The following FAM118B variants were observed in gnomAD, a reference collection of about 807,000 sequenced individuals.
FAM118B encodes protein FAM118B.
Under a neutral mutation model 38.5 loss-of-function variants are expected in FAM118B, and 24 were observed. The observed-to-expected ratio is 0.62, with a 90% CI of 0.45 to 0.88. The LOEUF (loss-of-function observed/expected upper bound fraction) is 0.88. FAM118B is among the 40% of genes least tolerant of loss of function. The pLI is 0.00. For synonymous variants in FAM118B, 138 were observed against 156.3 expected (o/e 0.88, Z 0.87); for missense variants, 334 against 420.0 (o/e 0.80, Z 1.79).
intron 1 of FAM118B, among the ~76,000 whole-genome samples, chr11:126,216,457 T>C (rs1274512987): frequency 6.6e-6 from 1 of 152,170 alleles, no homozygotes. Flanking sequence ...AACCACTCAG[T>C]TGTTTTCCTC....
intron 7 of FAM118B, among the ~76,000 whole-genome samples, chr11:126,259,704 C>G (rs1950645764): frequency 6.6e-6 from 1 of 151,398 alleles, no homozygotes; most frequent in South Asian, 2.1e-4. Flanking sequence ...GGATTACAGG[C>G]GTGAGCCACC....
chr11:126,260,647 G>A (rs900884389), intron 7 of FAM118B: 1 of 152,080 alleles, frequency 6.6e-6, no homozygotes, highest in Non-Finnish European at 1.5e-5. Flanking sequence ...CTGTAATCAG[G>A]TCAAAGATCA....
chr11:126,245,253 G>C (rs999197454), intron 4 of FAM118B: 3 of 152,092 alleles, frequency 2.0e-5, no homozygotes, highest in African/African-American at 4.8e-5. Context: ...CTGCACTCTA[G>C]CCTGGGCAAC....
chr11:126,211,996 C>G (rs1045540423), intron 1 of FAM118B, among the ~76,000 whole-genome samples, 166 bp downstream of exon 1: 3 of 152,218 alleles, frequency 2.0e-5, no homozygotes, highest in African/African-American at 4.8e-5. Context: ...CCCCCGCGCC[C>G]CCTTAGGAGC....
At chr11:126,237,905 G>T (rs1591514661) in intron 3 of FAM118B, among the ~76,000 whole-genome samples, 1 of 149,226 alleles carries the variant, frequency 6.7e-6, no homozygotes. Context: ...GGATATCATT[G>T]TTTTCTTTTA....
chr11:126,223,125 G>A (rs943516618), intron 1 of FAM118B, among the ~76,000 whole-genome samples: 1 of 151,994 alleles, frequency 6.6e-6, no homozygotes, highest in African/African-American at 2.4e-5. Context: ...TCAAGCAACT[G>A]AAAGAGGCCT....
intron 3 of FAM118B, among the ~76,000 whole-genome samples, chr11:126,237,215 CTT>C (rs34631802): frequency 1.4e-4 from 6 of 43,112 alleles, no homozygotes; most frequent in African/African-American, 4.2e-4. Flanking sequence ...CGCGCCTGGC[CTT>C]TTTTTTTTTT....
intron 3 of FAM118B, among the ~76,000 whole-genome samples, chr11:126,235,296 C>T (rs1395305568): frequency 2.0e-5 from 3 of 152,094 alleles, no homozygotes; most frequent in Non-Finnish European, 4.4e-5. Context: ...TTTCAAAGTC[C>T]GCCCTTCCTC....
chr11:126,261,390 C>T, intron 7 of FAM118B, 35 bp from the exon 8 acceptor site: 3 of 1,592,908 alleles, frequency 1.9e-6, no homozygotes, highest in South Asian at 1.1e-5. Context: ...TTTAGCTTTT[C>T]AGTCTAATGT....
In FAM118B at chr11:126,254,295, T is replaced by C. The variant is rs1950544497; in HGVS notation, c.568-10T>C. On this transcript the variant is annotated splice_polypyrimidine_tract_variant and intron_variant, in intron 5 of 8. Transcript: ENST00000533050. ...TGCCAAGCTGGTTGGGCTATATGTG[T>C]GTTGTGCAGGTCCTCGAGTGGGCTC... 6.2e-7 allele frequency: 1 copy of C among 1,613,170 alleles called. No homozygotes were observed. Among genetic ancestry groups the C allele is most frequent in the African/African-American group, 1.3e-5 (1 of 74,924 alleles).
chr11:126,246,785 G>T (rs1950424585), intron 4 of FAM118B, among the ~76,000 whole-genome samples: 1 of 152,072 alleles, frequency 6.6e-6, no homozygotes, highest in Non-Finnish European at 1.5e-5. Context: ...AGGAAATGAA[G>T]GTCACTGTTT....
intron 4 of FAM118B, among the ~76,000 whole-genome samples, chr11:126,243,514 A>T (rs927727781): frequency 1.3e-5 from 2 of 152,070 alleles, no homozygotes; most frequent in African/African-American, 4.8e-5. Flanking sequence ...TCTCTTAGGA[A>T]CATGGACACA....
rs1205287098 is a variant in FAM118B, at chr11:126,255,849, A to C, written c.697-718A>C. Among the ~76,000 whole-genome samples the C allele has an allele frequency of 6.6e-6, 1 of 152,034 alleles. No individual in the cohort carries two copies. Among genetic ancestry groups the C allele is most frequent in the Non-Finnish European group, 1.5e-5 (1 of 68,028 alleles). ...GTGCCTGTAATGCCAGCTACTTGGG[A>C]GTCTGAGGCAGGAGAATCGCTTGAA... On this transcript the variant is annotated intron_variant, in intron 6 of 8. Transcript: ENST00000533050. The surrounding 1 kb of genome is among the most constrained non-coding windows in gnomAD (Gnocchi z 4.6).
At chr11:126,242,606 C>T (rs1466374862) in intron 4 of FAM118B, among the ~76,000 whole-genome samples, 11 of 152,202 alleles carry the variant, frequency 7.2e-5, no homozygotes, top group Admixed American at 5.9e-4. Flanking sequence ...AGAAGATACA[C>T]AAACGGCCAA....
At chr11:126,254,773 C>CCTTA (rs1950550950) in intron 6 of FAM118B, among the ~76,000 whole-genome samples, 1 of 152,172 alleles carries the variant, frequency 6.6e-6, no homozygotes, top group Non-Finnish European at 1.5e-5. Context: ...CTGTAGTGAG[C>CCTTA]TGTGTCTAGA....
chr11:126,230,382 A>G (rs140976563), intron 2 of FAM118B, among the ~76,000 whole-genome samples: 74 of 152,368 alleles, frequency 4.9e-4, no homozygotes, highest in African/African-American at 1.8e-3. Context: ...AATTAGTCCA[A>G]GAGCCACAGT....
chr11:126,231,944 G>A (rs571427760), intron 2 of FAM118B, among the ~76,000 whole-genome samples: 17 of 152,280 alleles, frequency 1.1e-4, no homozygotes, highest in Admixed American at 1.3e-4. Context: ...TTGCATCAAT[G>A]GAGTACCTAG....
intron 4 of FAM118B, among the ~76,000 whole-genome samples, chr11:126,248,265 G>A (rs1212541643): frequency 6.6e-6 from 1 of 150,446 alleles, no homozygotes; most frequent in Non-Finnish European, 1.5e-5. Context: ...TAGATCATAG[G>A]GCAAATGGAT....
chr11:126,251,631 C>T lies in FAM118B; in HGVS notation c.567+898C>T, dbSNP rs1261377634. On this transcript the variant is annotated intron_variant, in intron 5 of 8. Coordinates refer to ENST00000533050, the MANE Select transcript of FAM118B (RefSeq NM_024556.4). ...TAACTCTCAACCTAGGGATCCCCTC[C>T]TGAGAGACCTTCTCTGACCATCCTA... Among the ~76,000 whole-genome samples, 4 of 152,212 alleles carry T rather than the reference C, an allele frequency of 2.6e-5. No homozygotes were observed. In the South Asian group the frequency reaches 8.3e-4, roughly 32 times the overall value.
Sources: gnomAD v4.1 joint callset for allele counts (sites outside exome capture counted in the v4.1 genomes callset) on GRCh38, gnomAD v4.1.1 for gene constraint, Gnocchi (gnomAD v3.1) non-coding constraint, MANE v1.5 for transcripts, NCBI Gene and HGNC (gene_info 2026-07-23, HGNC 2026-07-21) for gene names.